The following ZNF254 variants were observed in gnomAD, a reference collection of about 807,000 sequenced individuals.
ZNF254 encodes the protein CTD-2017D11.1.
A neutral mutation model predicts 12.4 loss-of-function variants in ZNF254; 10 were observed. That is an observed-to-expected ratio of 0.80 (90% CI 0.50 to 1.36). The LOEUF (loss-of-function observed/expected upper bound fraction) is 1.36, where lower values mean the gene tolerates loss of function less well. Ranked by LOEUF, ZNF254 falls within the 40% of genes most tolerant of loss-of-function variation. ZNF254 has a pLI of 0.00. For missense variants in ZNF254, 996 were observed against 763.9 expected (o/e 1.30, Z -3.58); for synonymous variants, 305 against 253.4 (o/e 1.20, Z -1.93).
chr19:24,051,065 G>A (rs1384299857), intron 2 of ZNF254, among the ~76,000 whole-genome samples: 8 of 152,096 alleles, frequency 5.3e-5, no homozygotes. Context: ...ACATAGCTGG[G>A]GCCAGCTCAA....
chr19:24,039,286 A>G (rs2145185073), intron 1 of ZNF254, among the ~76,000 whole-genome samples: 1 of 152,370 alleles, frequency 6.6e-6, no homozygotes, highest in East Asian at 1.9e-4. Context: ...ATCTGGTGGC[A>G]GAATCTCTAA....
At chr19:24,121,451 A>C (rs1974476673) in intron 3 of ZNF254, among the ~76,000 whole-genome samples, 1 of 152,196 alleles carries the variant, frequency 6.6e-6, no homozygotes, top group Non-Finnish European at 1.5e-5. Context: ...ACAATATTTA[A>C]CTTTGTACAA....
At position 24,126,406 on chromosome 19, in the gene ZNF254, AAAG is replaced by A; in HGVS notation, c.410_412del (p.Glu137del). ...AAGTGTGGATGAGTATAAGGTGAAC[AAAG>A]AAGGTTATAATGGACTTAACCAGTG... is the stretch of plus-strand genomic sequence containing the variant. On this transcript the variant is annotated inframe_deletion, in exon 4 of 4. Transcript: ENST00000357002. 6.2e-7 allele frequency: 1 copy of A among 1,606,384 alleles called. No individual in the cohort carries two copies. The highest frequency in any genetic ancestry group is 8.5e-7 in the Non-Finnish European group (1 of 1,177,966).
chr19:24,063,073 T>C (rs1356303903), intron 2 of ZNF254, among the ~76,000 whole-genome samples: 5 of 152,322 alleles, frequency 3.3e-5, no homozygotes, highest in Admixed American at 3.3e-4. Flanking sequence ...AGTGCTGGGA[T>C]TACAGGTGTG....
intron 2 of ZNF254, among the ~76,000 whole-genome samples, chr19:24,048,212 G>A (rs1010087819): frequency 6.6e-6 from 1 of 151,972 alleles, no homozygotes; most frequent in African/African-American, 2.4e-5. Flanking sequence ...CTGGCCACAC[G>A]TTTGGGTTGA....
chr19:24,064,164 G>A (rs1333927181), intron 2 of ZNF254, among the ~76,000 whole-genome samples: 2 of 152,010 alleles, frequency 1.3e-5, no homozygotes, highest in Non-Finnish European at 2.9e-5. Flanking sequence ...GATATGCCAC[G>A]TGACATAGCT....
chr19:24,116,693 A>G (rs374891411), intron 3 of ZNF254, among the ~76,000 whole-genome samples: 1 of 151,922 alleles, frequency 6.6e-6, no homozygotes, highest in Non-Finnish European at 1.5e-5. Flanking sequence ...TCTTCTCTCA[A>G]CTCGTCAAAG....
At chr19:24,118,354 G>T (rs763795956) in intron 3 of ZNF254, among the ~76,000 whole-genome samples, 9 of 151,970 alleles carry the variant, frequency 5.9e-5, no homozygotes, top group African/African-American at 2.2e-4. Context: ...ACTTGGCCAA[G>T]GGTTTTACTG....
chr19:24,105,969 A>G lies in ZNF254; in HGVS notation c.60A>G (p.Ile20Met), dbSNP rs1973315465. 2 of 1,598,544 alleles carry G rather than the reference A, an allele frequency of 1.3e-6. No homozygotes were observed. The highest frequency in any genetic ancestry group is 8.5e-7 in the Non-Finnish European group (1 of 1,170,674). ...TGTTGACATTTAGGGATGTGGCCAT[A>G]GAATTCTCTCTGGAGGAGTGGCAAC... ...MGLLTFRDVA[I>M]EFSLEEWQHL... Residue 20 changes from isoleucine (I) to methionine (M), a missense_variant, in exon 2 of 4, where the codon ATA (isoleucine) becomes ATG (methionine). Transcript: ENST00000357002.
At chr19:24,107,228 C>T (rs1360458309) in intron 3 of ZNF254, 5 of 653,460 alleles carry the variant, frequency 7.7e-6, no homozygotes, top group Non-Finnish European at 1.4e-5. Context: ...TTGGATTTTT[C>T]ATTACTGTGA....
chr19:24,054,780 A>C (rs1970777315), intron 2 of ZNF254, among the ~76,000 whole-genome samples: 1 of 152,192 alleles, frequency 6.6e-6, no homozygotes, highest in Non-Finnish European at 1.5e-5. Context: ...CTACTCTCTT[A>C]AACCCAACAA....
intron 1 of ZNF254, among the ~76,000 whole-genome samples, chr19:24,099,531 A>G (rs1972884209): frequency 6.6e-6 from 1 of 152,222 alleles, no homozygotes. Context: ...CCAAAAAGAC[A>G]GCACCCTTTT....
intron 3 of ZNF254, among the ~76,000 whole-genome samples, chr19:24,121,369 T>C (rs934204642): frequency 6.6e-5 from 10 of 152,210 alleles, no homozygotes; most frequent in Non-Finnish European, 1.5e-4. Flanking sequence ...TTGTGTTATA[T>C]ATTCTAGCAT....
At chr19:24,051,853 A>T (rs1429159225) in intron 2 of ZNF254, among the ~76,000 whole-genome samples, 1 of 151,932 alleles carries the variant, frequency 6.6e-6, no homozygotes, top group Non-Finnish European at 1.5e-5. Context: ...GGGCTCTGCG[A>T]ACTGGGGTGT....
chr19:24,082,615 A>G (rs1971890016), upstream of ZNF254, among the ~76,000 whole-genome samples: 1 of 135,474 alleles, frequency 7.4e-6, no homozygotes, highest in Admixed American at 7.8e-5. Context: ...GCGCCAATGC[A>G]CTCCAGTCTG....
At chr19:24,069,234 G>A (rs895457762) in intron 2 of ZNF254, among the ~76,000 whole-genome samples, 105 of 145,380 alleles carry the variant, frequency 7.2e-4, no homozygotes, top group African/African-American at 2.5e-3. Context: ...TTGAACTCCT[G>A]ACCTCAGGTG....
chr19:24,050,639 G>A (rs2145304883), intron 2 of ZNF254, among the ~76,000 whole-genome samples: 1 of 152,316 alleles, frequency 6.6e-6, no homozygotes, highest in Non-Finnish European at 1.5e-5. Context: ...AGAAGTCACT[G>A]TAACATATAT....
At chr19:24,108,514 T>C (rs995920827) in intron 3 of ZNF254, among the ~76,000 whole-genome samples, 2 of 152,190 alleles carry the variant, frequency 1.3e-5, no homozygotes, top group African/African-American at 2.4e-5. Flanking sequence ...TTATTTTTGA[T>C]CTGGGGTATT....
intron 2 of ZNF254, among the ~76,000 whole-genome samples, chr19:24,049,223 T>A (rs1970552392): frequency 1.4e-5 from 2 of 139,960 alleles, no homozygotes; most frequent in Admixed American, 7.2e-5. Flanking sequence ...TATTTTTTTT[T>A]TTTTTTTAAT....
Sources: allele counts gnomAD v4.1 joint callset (sites outside exome capture counted in the v4.1 genomes callset), GRCh38; gene constraint gnomAD v4.1.1; transcripts MANE v1.5; gene names NCBI Gene and HGNC (gene_info 2026-07-23, HGNC 2026-07-21).